Variants in GRAMD1B observed in about 807,000 individuals in gnomAD.
GRAMD1B encodes the protein GRAM domain containing 1B, also known as protein Aster-B.
A neutral mutation model predicts 99.7 loss-of-function variants in GRAMD1B; 37 were observed. That is an observed-to-expected ratio of 0.37 (90% CI 0.29 to 0.49). The LOEUF is 0.49. Among genes scored for constraint, GRAMD1B ranks in the 20% least tolerant of loss-of-function variants. GRAMD1B has a pLI of 0.98. For missense variants in GRAMD1B, 888 were observed against 1,009.2 expected (o/e 0.88, Z 1.63); for synonymous variants, 427 against 387.6 (o/e 1.10, Z -1.19).
intron 1 of GRAMD1B, among the ~76,000 whole-genome samples, chr11:123,465,774 GAA>G (rs149234901): frequency 5.1e-5 from 7 of 136,820 alleles, no homozygotes; most frequent in Non-Finnish European, 4.7e-5. Flanking sequence ...CATCTCGAAA[GAA>G]AAAAAAAAAA....
At chr11:123,577,232 C>G (rs752209376) in intron 2 of GRAMD1B, 135 bp from the exon 3 acceptor site, 3 of 744,430 alleles carry the variant, frequency 4.0e-6, no homozygotes, top group Admixed American at 4.5e-5. Flanking sequence ...CCCTCTCTCC[C>G]GGTTTCTCCC....
chr11:123,393,893 A>G (rs1947365980), intron 1 of GRAMD1B, among the ~76,000 whole-genome samples: 1 of 152,162 alleles, frequency 6.6e-6, no homozygotes, highest in Non-Finnish European at 1.5e-5. Flanking sequence ...TTATCTTTGA[A>G]TAGAGTAAAC....
At chr11:123,431,280 C>T in intron 1 of GRAMD1B, 114 bp downstream of exon 1, 1 of 595,288 alleles carries the variant, frequency 1.7e-6, no homozygotes. Flanking sequence ...AGCCCGTCAC[C>T]AGAGGCGCTT....
rs3832770 is a variant in GRAMD1B, at chr11:123,623,557, GC to G, written c.*965del. The G allele has an allele frequency of 0.34, 51,448 of 152,176 alleles. 9,241 individuals carry two copies. The highest frequency in any genetic ancestry group is 0.71 in the East Asian group (3,642 of 5,158). 9.4% of individuals were successfully genotyped at this position (152,176 alleles called of 1,614,324 possible). The stretch of plus-strand genomic sequence containing the variant: ...TCCAGGATGAGTCAGGGTGTGCTGG[GC>G]CCTCCAGGATTTGAGAGAGGGAGAG... On this transcript the variant is annotated 3_prime_UTR_variant, in exon 20 of 20. Transcript: ENST00000635736.
intron 2 of GRAMD1B, among the ~76,000 whole-genome samples, chr11:123,545,824 G>A (rs1293898922): frequency 6.6e-6 from 1 of 152,130 alleles, no homozygotes. Context: ...CAGCAAGGTT[G>A]CCTGGCTAAG....
At chr11:123,409,385 G>A (rs766221545) in intron 1 of GRAMD1B, among the ~76,000 whole-genome samples, 1 of 152,098 alleles carries the variant, frequency 6.6e-6, no homozygotes, top group Non-Finnish European at 1.5e-5. Flanking sequence ...ACAGACGTTG[G>A]CGTTTATGTT....
chr11:123,372,884 A>G (rs1431965851), intron 1 of GRAMD1B, among the ~76,000 whole-genome samples: 1 of 152,178 alleles, frequency 6.6e-6, no homozygotes, highest in African/African-American at 2.4e-5. Flanking sequence ...TCATGCCTGT[A>G]ATCCCAGCAC....
rs989086698 is a variant in GRAMD1B, at chr11:123,579,215, G to A, written c.663+1638G>A. 3.3e-5 allele frequency among the ~76,000 whole-genome samples: 5 copies of A among 152,212 alleles called. No individual in the cohort carries two copies. The East Asian group carries it at 5.8e-4, about 18-fold the overall frequency. ...AACGTGCAGCGAGTGGAGGGTGAGC[G>A]ATAGGTGTTGTGGAACAACAAGGCC... On this transcript the variant is annotated intron_variant, in intron 3 of 19. Transcript: ENST00000635736.
intron 2 of GRAMD1B, among the ~76,000 whole-genome samples, chr11:123,562,997 ACT>A (rs1327372390): frequency 6.6e-6 from 1 of 152,066 alleles, no homozygotes; most frequent in Non-Finnish European, 1.5e-5. Flanking sequence ...CAGTATTACA[ACT>A]CTGTCTGGGC....
intron 2 of GRAMD1B, among the ~76,000 whole-genome samples, chr11:123,552,203 A>AT (rs1369814388): frequency 6.7e-6 from 1 of 148,662 alleles, no homozygotes; most frequent in Non-Finnish European, 1.5e-5. Flanking sequence ...AAAAGGAGGG[A>AT]TTTTTCTTCC....
chr11:123,462,262 G>C (rs10893042), intron 1 of GRAMD1B, among the ~76,000 whole-genome samples: 107,900 of 152,072 alleles, frequency 0.71, 38,971 homozygotes, highest in East Asian at 0.97. Flanking sequence ...CCACCGTGCC[G>C]GGCCAGTCAT....
chr11:123,457,905 A>G (rs1449555179), intron 1 of GRAMD1B, among the ~76,000 whole-genome samples: 2 of 152,034 alleles, frequency 1.3e-5, no homozygotes, highest in African/African-American at 4.8e-5. Flanking sequence ...TTGTAGAGAC[A>G]GGGTCCTGCT....
At chr11:123,516,621 CTT>C (rs1387540249) in intron 2 of GRAMD1B, among the ~76,000 whole-genome samples, 2 of 152,048 alleles carry the variant, frequency 1.3e-5, no homozygotes, top group Non-Finnish European at 2.9e-5. Flanking sequence ...CACAGACAGA[CTT>C]AATGTAAGTC....
In GRAMD1B at chr11:123,625,973, A is replaced by AGAGAGAGAGAGAGAGAGATC. The variant is rs34697633; in HGVS notation, c.*3386_*3387insGAGAGAGAGATCGAGAGAGA. Reference sequence around the variant, plus strand: ...GAGAGAGAGAGAGAGAGAGAGAGAGAGAGAGAGATCGAGCTTGATGTATTG... The same window carrying AGAGAGAGAGAGAGAGAGATC: ...GAGAGAGAGAGAGAGAGAGAGAGAGAGAGAGAGAGAGAGAGAGATCGAGAGAGATCGAGCTTGATGTATTG... On this transcript the variant is annotated 3_prime_UTR_variant, in exon 20 of 20. Transcript: ENST00000635736. 4.5e-3 allele frequency: 622 copies of AGAGAGAGAGAGAGAGAGATC among 139,686 alleles called. 9 individuals carry two copies. Among genetic ancestry groups the AGAGAGAGAGAGAGAGAGATC allele is most frequent in the South Asian group, 7.5e-3 (29 of 3,842 alleles). 8.7% of individuals were successfully genotyped at this position (139,686 alleles called of 1,614,324 possible). A position where few individuals can be genotyped will look rare whatever the true frequency, so the allele number is the denominator to read the frequency against.
rs57228714 is a variant in GRAMD1B at position 123,435,349 on chromosome 11, T to G, written c.374+4183T>G. 4,826 of 691,936 alleles carry G rather than the reference T, an allele frequency of 7.0e-3. 153 individuals carry two copies. The African/African-American group carries it at 0.074, about 11-fold the overall frequency. 42.9% of individuals were successfully genotyped at this position (691,936 alleles called of 1,614,324 possible). On this transcript the variant is annotated intron_variant, in intron 1 of 19. Transcript: ENST00000635736. ...AAGTGGCTGAGAGGGCCATAGCTTGTGGATTTCTTTTAATTTTTGTTTTTT... is the reference window on the plus strand; with the variant it reads ...AAGTGGCTGAGAGGGCCATAGCTTGGGGATTTCTTTTAATTTTTGTTTTTT...
chr11:123,520,551 G>T (rs1324375766), intron 2 of GRAMD1B, among the ~76,000 whole-genome samples: 1 of 152,006 alleles, frequency 6.6e-6, no homozygotes, highest in Non-Finnish European at 1.5e-5. Flanking sequence ...CGGGTGGATT[G>T]CTTGAGCCCA....
At chr11:123,516,997 G>A (rs931928030) in intron 2 of GRAMD1B, among the ~76,000 whole-genome samples, 3 of 152,168 alleles carry the variant, frequency 2.0e-5, no homozygotes, top group African/African-American at 2.4e-5. Flanking sequence ...TTGGCTCACT[G>A]CACCCTCCAC....
intron 2 of GRAMD1B, among the ~76,000 whole-genome samples, chr11:123,515,314 T>G (rs1369986267): frequency 6.6e-6 from 1 of 152,108 alleles, no homozygotes; most frequent in East Asian, 1.9e-4. Flanking sequence ...ATGAGAAATT[T>G]GTGTCTGAGG....
At chr11:123,531,235 G>A (rs1943337508) in intron 2 of GRAMD1B, among the ~76,000 whole-genome samples, 1 of 152,156 alleles carries the variant, frequency 6.6e-6, no homozygotes, top group Admixed American at 6.5e-5. Context: ...GACACTGAGC[G>A]CTGGTCATCT....
Sources: gnomAD v4.1 joint callset for allele counts (sites outside exome capture counted in the v4.1 genomes callset) on GRCh38, gnomAD v4.1.1 for gene constraint, MANE v1.5 for transcripts, NCBI Gene and HGNC (gene_info 2026-07-23, HGNC 2026-07-21) for gene names.